The following TLE4 variants were observed in gnomAD, a reference collection of about 807,000 sequenced individuals.
The protein encoded by TLE4 is transducin-like enhancer protein 4.
TLE4 carries 8 observed loss-of-function variants against 92.8 expected under a neutral mutation model. The ratio of observed to expected loss-of-function variants is 0.09; its 90% CI spans 0.05 to 0.16. The LOEUF is 0.16. Ranked by LOEUF, TLE4 falls within the 10% of genes least tolerant of loss-of-function variation. The probability of loss-of-function intolerance (pLI) is 1.00; values close to 1 mark genes in which losing one functional copy is unlikely to be tolerated. For synonymous variants in TLE4, 371 were observed against 374.1 expected, an observed-to-expected ratio of 0.99 and a Z score of 0.10; for missense variants, 675 against 997.6, an observed-to-expected ratio of 0.68 and a Z score of 4.36.
intron 8 of TLE4, among the ~76,000 whole-genome samples, chr9:79,688,896 A>G (rs1305997871): frequency 2.0e-5 from 3 of 152,024 alleles, no homozygotes. Flanking sequence ...TGACAGTGGC[A>G]TGTGGAGGAC....
At chr9:79,584,866 T>C (rs1273848543) in intron 4 of TLE4, among the ~76,000 whole-genome samples, 1 of 152,172 alleles carries the variant, frequency 6.6e-6, no homozygotes, top group Non-Finnish European at 1.5e-5. Flanking sequence ...GTATGTTGAG[T>C]CTGCCTTTTT....
intron 4 of TLE4, among the ~76,000 whole-genome samples, chr9:79,589,294 T>G (rs2041966363): frequency 6.6e-6 from 1 of 152,224 alleles, no homozygotes; most frequent in African/African-American, 2.4e-5. Flanking sequence ...AGAGAATCCT[T>G]TAAACGTACT....
intron 5 of TLE4, among the ~76,000 whole-genome samples, chr9:79,621,334 A>T (rs1266727789): frequency 6.6e-6 from 1 of 152,214 alleles, no homozygotes; most frequent in African/African-American, 2.4e-5. Context: ...AGAGCCCATG[A>T]CACAGAGAAA....
intron 5 of TLE4, among the ~76,000 whole-genome samples, chr9:79,619,082 A>G (rs2050338211): frequency 6.6e-6 from 1 of 152,198 alleles, no homozygotes; most frequent in Non-Finnish European, 1.5e-5. Context: ...CGTAGTACCA[A>G]GTAGTGTTTG....
At chr9:79,573,519 C>G (rs773246832) in intron 1 of TLE4, 170 bp from the exon 2 acceptor site, 30 of 822,360 alleles carry the variant, frequency 3.6e-5, no homozygotes, top group Non-Finnish European at 4.9e-5. Flanking sequence ...AAACCAGCCT[C>G]TGCCTGGGCT....
Position 79,721,723 on chromosome 9 carries a change from C to T in TLE4, c.1839-18C>T. ...AGCTAACTTTTCAAGGGCTTTCCCT[C>T]CATTTTGACATTTTCAGGCAATTCC... On this transcript the variant is annotated intron_variant, in intron 16 of 19. Transcript: ENST00000376552. 1 of 1,613,748 alleles carries T rather than the reference C, an allele frequency of 6.2e-7. No individual in the cohort carries two copies. The highest frequency in any genetic ancestry group is 2.2e-5 in the East Asian group (1 of 44,890).
At chr9:79,634,149 G>A (rs1291476525) in intron 6 of TLE4, among the ~76,000 whole-genome samples, 1 of 151,920 alleles carries the variant, frequency 6.6e-6, no homozygotes, top group Non-Finnish European at 1.5e-5. Flanking sequence ...CCTATTAAAG[G>A]GGCATATTTT....
At chr9:79,651,233 G>A (rs1043118450) in intron 6 of TLE4, among the ~76,000 whole-genome samples, 2 of 152,138 alleles carry the variant, frequency 1.3e-5, no homozygotes, top group African/African-American at 4.8e-5. Flanking sequence ...CTCAATACTT[G>A]TTGTCATACA....
At chr9:79,590,197 G>A (rs1044323290) in intron 4 of TLE4, among the ~76,000 whole-genome samples, 1 of 152,182 alleles carries the variant, frequency 6.6e-6, no homozygotes, top group African/African-American at 2.4e-5. Flanking sequence ...AAAGTGGCTA[G>A]TGAAAAAACA....
At chr9:79,702,620 T>C (rs1278050829) in intron 8 of TLE4, among the ~76,000 whole-genome samples, 1 of 152,216 alleles carries the variant, frequency 6.6e-6, no homozygotes, top group Non-Finnish European at 1.5e-5. Flanking sequence ...TACTGAATAA[T>C]GCCTGCAGTC....
chr9:79,600,720 C>T (rs574654249), intron 4 of TLE4, among the ~76,000 whole-genome samples: 1 of 152,264 alleles, frequency 6.6e-6, no homozygotes, highest in East Asian at 1.9e-4. Flanking sequence ...TAGGGGTCCT[C>T]ATGCTGCAGC....
intron 6 of TLE4, among the ~76,000 whole-genome samples, chr9:79,651,299 G>A (rs911733778): frequency 6.6e-6 from 1 of 152,058 alleles, no homozygotes; most frequent in African/African-American, 2.4e-5. Context: ...TACATTTAAT[G>A]TCCTTCCTTC....
chr9:79,658,732 C>T (rs1049565835), intron 8 of TLE4, among the ~76,000 whole-genome samples: 3 of 152,112 alleles, frequency 2.0e-5, no homozygotes, highest in Non-Finnish European at 4.4e-5. Context: ...TGGGAGATAA[C>T]TTGCTGGGAT....
At chr9:79,656,316 C>G (rs1355446205) in intron 8 of TLE4, among the ~76,000 whole-genome samples, 1 of 152,130 alleles carries the variant, frequency 6.6e-6, no homozygotes, top group Non-Finnish European at 1.5e-5. Flanking sequence ...CCAGAGCGTG[C>G]CAGTTGCCTG....
Position 79,575,000 on chromosome 9 carries a change from G to A in TLE4, c.207+64G>A, listed in dbSNP as rs1410591758. The A allele has an allele frequency of 8.9e-6, 12 of 1,355,232 alleles. No homozygotes were observed. In the Admixed American group the frequency reaches 1.4e-4, roughly 15 times the overall value. The allele number at this position is 1,355,232 out of a possible 1,614,324, so 84.0% of individuals were successfully genotyped here. On this transcript the variant is annotated intron_variant, in intron 3 of 19. Transcript: ENST00000376552. ...TTTGGAATACCAAAAACAAGAATAT[G>A]TTTAAATTGCTGGGGGCTGCAAGAT...
At chr9:79,643,841 T>A (rs761320980) in intron 6 of TLE4, among the ~76,000 whole-genome samples, 5 of 152,206 alleles carry the variant, frequency 3.3e-5, no homozygotes, top group Admixed American at 6.5e-5. Flanking sequence ...TTTGACATGG[T>A]AAAACAGTAA....
At chr9:79,643,588 A>G (rs955509853) in intron 6 of TLE4, among the ~76,000 whole-genome samples, 2 of 152,180 alleles carry the variant, frequency 1.3e-5, no homozygotes, top group Non-Finnish European at 2.9e-5. Context: ...GTTTTCTGGA[A>G]TCTTCCACAG....
intron 2 of TLE4, chr9:79,574,038 G>T (rs753226261): frequency 1.8e-4 from 51 of 283,386 alleles, no homozygotes; most frequent in Admixed American, 5.2e-5. Context: ...AAACGCTGAG[G>T]CCAAACTTTC....
At chr9:79,619,781 T>TTTA (rs2050519235) in intron 5 of TLE4, among the ~76,000 whole-genome samples, 1 of 152,240 alleles carries the variant, frequency 6.6e-6, no homozygotes, top group Non-Finnish European at 1.5e-5. Flanking sequence ...AGACATGGAT[T>TTTA]GGGGCTTCTG....
Sources: allele counts gnomAD v4.1 joint callset (sites outside exome capture counted in the v4.1 genomes callset), GRCh38; gene constraint gnomAD v4.1.1; transcripts MANE v1.5; gene names NCBI Gene and HGNC (gene_info 2026-07-23, HGNC 2026-07-21).